Variants in MYCT1 observed in about 807,000 individuals in gnomAD.
MYCT1 encodes the protein MYC target 1, also known as myc target protein 1.
Under a neutral mutation model 15.0 loss-of-function variants are expected in MYCT1, and 12 were observed. The observed-to-expected ratio is 0.80, with a 90% CI of 0.51 to 1.29. The LOEUF (loss-of-function observed/expected upper bound fraction) is 1.29, where lower values mean the gene tolerates loss of function less well. MYCT1 is among the 50% of genes most tolerant of loss of function. MYCT1 has a pLI of 0.00. For missense variants in MYCT1, 287 were observed against 279.1 expected (o/e 1.03, Z -0.20); for synonymous variants, 104 against 102.7 (o/e 1.01, Z -0.07).
At chr6:152,717,690 C>T (rs1384967807) in intron 1 of MYCT1, among the ~76,000 whole-genome samples, 1 of 152,078 alleles carries the variant, frequency 6.6e-6, no homozygotes, top group Non-Finnish European at 1.5e-5. Flanking sequence ...CCAATTAAAC[C>T]TCTTTCTTTT....
chr6:152,740,134 C>A, the MYCT1 span, among the ~76,000 whole-genome samples: 1 of 152,148 alleles, frequency 6.6e-6, no homozygotes. Flanking sequence ...ACAACCTCTG[C>A]CTCCCAGGTT....
At chr6:152,702,002 C>A (rs1478221564) in intron 1 of MYCT1, among the ~76,000 whole-genome samples, 1 of 152,098 alleles carries the variant, frequency 6.6e-6, no homozygotes, top group Non-Finnish European at 1.5e-5. Context: ...TTCAGATACC[C>A]AAGGGTTCTC....
In MYCT1 at chr6:152,722,889, C is replaced by A; in HGVS notation, c.*636C>A. ...AAGTAGCTGGGACTACAGGGGTGCA[C>A]TACCACACCGGGTTGAATTTTTTTT... On this transcript the variant is annotated 3_prime_UTR_variant, in exon 2 of 2. Coordinates refer to ENST00000367245, the MANE Select transcript of MYCT1 (RefSeq NM_025107.3). The A allele has an allele frequency of 5.2e-6, 1 of 192,378 alleles. No individual in the cohort carries two copies. 11.9% of individuals were successfully genotyped at this position (192,378 alleles called of 1,614,324 possible).
intron 1 of MYCT1, among the ~76,000 whole-genome samples, chr6:152,702,372 TCAAA>T (rs1237573457): frequency 6.6e-5 from 10 of 152,224 alleles, no homozygotes; most frequent in Non-Finnish European, 1.3e-4. Context: ...ATGTTGGCTT[TCAAA>T]CAATTATTTA....
intron 1 of MYCT1, among the ~76,000 whole-genome samples, chr6:152,702,355 A>C (rs2099721462): frequency 6.6e-6 from 1 of 152,234 alleles, no homozygotes; most frequent in African/African-American, 2.4e-5. Context: ...CAACTATTGC[A>C]GTAAAAATGT....
At chr6:152,733,686 T>A in the MYCT1 span, among the ~76,000 whole-genome samples, 1 of 152,220 alleles carries the variant, frequency 6.6e-6, no homozygotes, top group Non-Finnish European at 1.5e-5. Flanking sequence ...CTCTGATGAC[T>A]GTTAGGCTGT....
At chr6:152,701,918 C>G (rs7754497) in intron 1 of MYCT1, among the ~76,000 whole-genome samples, 5,167 of 152,242 alleles carry the variant, frequency 0.034, 214 homozygotes, top group African/African-American at 0.1. Flanking sequence ...GGAGGTTGGG[C>G]TACATCAGGT....
Position 152,721,885 on chromosome 6 carries a change from T to G in MYCT1, c.340T>G (p.Ser114Ala). Residue 114 changes from serine (S) to alanine (A), a missense_variant, in exon 2 of 2, where the codon TCT (serine) becomes GCT (alanine). Ser to Ala is a moderately conservative substitution (Grantham distance 99, BLOSUM62 1). Coordinates refer to ENST00000367245, the MANE Select transcript of MYCT1 (RefSeq NM_025107.3). ...GTGGAGTTCAAGCAGGAGATCTAGG[T>G]CTTCTTACACCCACGGCCTCAACAG... Reference protein sequence around the residue: ...SQWSSSRRSRSSYTHGLNRTG... With the variant: ...SQWSSSRRSRASYTHGLNRTG... The G allele has an allele frequency of 6.2e-7, 1 of 1,613,976 alleles. No individual in the cohort carries two copies. Among genetic ancestry groups the G allele is most frequent in the East Asian group, 2.2e-5 (1 of 44,866 alleles).
the MYCT1 span, among the ~76,000 whole-genome samples, chr6:152,735,343 T>G: frequency 6.6e-6 from 1 of 152,170 alleles, no homozygotes; most frequent in South Asian, 2.1e-4. Context: ...TTTGAATTGG[T>G]AGAACCTTTG....
the MYCT1 span, among the ~76,000 whole-genome samples, chr6:152,735,054 A>C: frequency 2.0e-5 from 3 of 152,244 alleles, no homozygotes; most frequent in African/African-American, 7.2e-5. Context: ...GTTTCTAAAA[A>C]GGAAATTTAT....
intron 1 of MYCT1, among the ~76,000 whole-genome samples, chr6:152,719,854 T>C (rs1389408342): frequency 6.6e-6 from 1 of 152,188 alleles, no homozygotes; most frequent in African/African-American, 2.4e-5. Context: ...TATATATATG[T>C]ATAATGAAAT....
chr6:152,699,044 C>T (rs1425680046), intron 1 of MYCT1, among the ~76,000 whole-genome samples: 5 of 152,116 alleles, frequency 3.3e-5, no homozygotes, highest in African/African-American at 9.7e-5. Flanking sequence ...TATATATGGA[C>T]AGATCTGTTT....
chr6:152,731,082 C>T, the MYCT1 span, among the ~76,000 whole-genome samples: 5 of 151,924 alleles, frequency 3.3e-5, no homozygotes, highest in African/African-American at 1.2e-4. Context: ...ATGAGACACA[C>T]ACACATACAC....
chr6:152,721,677 G>T lies in MYCT1; in HGVS notation c.197-65G>T, dbSNP rs879939639. The T allele has an allele frequency of 1.0e-5, 15 of 1,452,134 alleles. No homozygotes were observed. In the Admixed American group the frequency reaches 2.5e-4, roughly 25 times the overall value. 90.0% of individuals were successfully genotyped at this position (1,452,134 alleles called of 1,614,324 possible). A position where few individuals can be genotyped will look rare whatever the true frequency, so the allele number is the denominator to read the frequency against. On this transcript the variant is annotated intron_variant, in intron 1 of 1. Transcript: ENST00000367245. Reference sequence around the variant, plus strand: ...TTCTTTGAATTACAGTATATATGCTGACCCTTGTTTTTAGTTGAAAACCTA... The same window carrying T: ...TTCTTTGAATTACAGTATATATGCTTACCCTTGTTTTTAGTTGAAAACCTA...
rs1001071511 is a variant in MYCT1 at position 152,722,691 on chromosome 6, C to A, written c.*438C>A. 9.4e-6 allele frequency: 3 copies of A among 319,156 alleles called. No individual in the cohort carries two copies. The highest frequency in any genetic ancestry group is 9.6e-5 in the East Asian group (1 of 10,462). The allele number at this position is 319,156 out of a possible 1,614,324, so 19.8% of individuals were successfully genotyped here. A position where few individuals can be genotyped will look rare whatever the true frequency, so the allele number is the denominator to read the frequency against. On this transcript the variant is annotated 3_prime_UTR_variant, in exon 2 of 2. Transcript: ENST00000367245. ...TTCTAAGGGATTTGGATTTTACTTT[C>A]TTTAGAATGACAAGTGAATCATATT...
At chr6:152,700,109 A>T (rs2099721067) in intron 1 of MYCT1, among the ~76,000 whole-genome samples, 1 of 152,158 alleles carries the variant, frequency 6.6e-6, no homozygotes, top group South Asian at 2.1e-4. Context: ...TGAAGTATAA[A>T]ATGTGAATAA....
the MYCT1 span, among the ~76,000 whole-genome samples, chr6:152,737,852 G>A: frequency 6.6e-6 from 1 of 152,168 alleles, no homozygotes; most frequent in African/African-American, 2.4e-5. Context: ...TTGAAGTGTA[G>A]GAAGTATTGT....
At chr6:152,738,703 G>A in the MYCT1 span, among the ~76,000 whole-genome samples, 2 of 151,976 alleles carry the variant, frequency 1.3e-5, no homozygotes, top group African/African-American at 2.4e-5. Flanking sequence ...CATAGTATGT[G>A]CTTAAAAGAA....
the MYCT1 span, among the ~76,000 whole-genome samples, chr6:152,730,204 C>G: frequency 6.6e-6 from 1 of 152,234 alleles, no homozygotes; most frequent in South Asian, 2.1e-4. Context: ...ATACTCCCTT[C>G]ACATTTATCT....
Sources: gnomAD v4.1 joint callset for allele counts (sites outside exome capture counted in the v4.1 genomes callset) on GRCh38, gnomAD v4.1.1 for gene constraint, MANE v1.5 for transcripts, NCBI Gene and HGNC (gene_info 2026-07-23, HGNC 2026-07-21) for gene names.